Variants in TENM2 observed in about 807,000 individuals in gnomAD.
TENM2 encodes teneurin transmembrane protein 2, also known as teneurin-2.
In TENM2, 52 loss-of-function variants were observed where a neutral mutation model predicts 245.2. That is an observed-to-expected ratio of 0.21 (90% CI 0.17 to 0.27). The LOEUF (loss-of-function observed/expected upper bound fraction) is 0.27. Among genes scored for constraint, TENM2 ranks in the 10% least tolerant of loss-of-function variants. The pLI, the probability that TENM2 is intolerant of heterozygous loss-of-function variation, is 1.00. For missense variants in TENM2, 3,046 were observed against 3,666.8 expected, an observed-to-expected ratio of 0.83 and a Z score of 4.37; for synonymous variants, 1,363 against 1,438.9, an observed-to-expected ratio of 0.95 and a Z score of 1.19.
chr5:167,679,802 A>T (rs932258924), intron 2 of TENM2, among the ~76,000 whole-genome samples: 11 of 152,186 alleles, frequency 7.2e-5, no homozygotes, highest in Non-Finnish European at 1.3e-4. Context: ...ATGTAAAAAA[A>T]GGAAGGCTGA....
chr5:168,064,996 G>A (rs780629644), intron 7 of TENM2, among the ~76,000 whole-genome samples: 5 of 152,168 alleles, frequency 3.3e-5, no homozygotes, highest in African/African-American at 1.2e-4. Flanking sequence ...GGGGATAGGC[G>A]ACTGACGTCT....
chr5:167,112,343 A>T, the TENM2 span, among the ~76,000 whole-genome samples: 123 of 152,306 alleles, frequency 8.1e-4, no homozygotes, highest in Non-Finnish European at 1.5e-3. Context: ...AGATGTGCAA[A>T]TTTTCAGCTG....
At chr5:167,797,601 GAAACCCCTTC>G (rs1421356330) in intron 2 of TENM2, among the ~76,000 whole-genome samples, 1 of 152,160 alleles carries the variant, frequency 6.6e-6, no homozygotes, top group African/African-American at 2.4e-5. Flanking sequence ...TGGGTAAATA[GAAACCCCTTC>G]AACATGTAAG....
At chr5:167,914,974 C>T (rs182257072) in intron 3 of TENM2, among the ~76,000 whole-genome samples, 9 of 152,280 alleles carry the variant, frequency 5.9e-5, no homozygotes, top group East Asian at 1.9e-4. Context: ...AAAAAGGTCA[C>T]GTTGTGTGGT....
At position 167,285,008 on chromosome 5, in the gene TENM2, TG is replaced by T; in HGVS notation, c.173del (p.Gly58GlufsTer79). On this transcript the variant is annotated frameshift_variant, in exon 1 of 29. Transcript: ENST00000518659. LOFTEE classifies it high-confidence loss of function. The stretch of plus-strand genomic sequence containing the variant: ...ATGACCATGACAGCAGGATGCACTA[TG>T]GAAACCGAGTCACAGACCTCATCCA... 6.4e-7 allele frequency: 1 copy of T among 1,552,122 alleles called. No individual in the cohort carries two copies. The highest frequency in any genetic ancestry group is 8.7e-7 in the Non-Finnish European group (1 of 1,147,074).
intron 4 of TENM2, among the ~76,000 whole-genome samples, chr5:167,953,132 G>A (rs1780252791): frequency 6.6e-6 from 1 of 152,142 alleles, no homozygotes; most frequent in East Asian, 1.9e-4. Flanking sequence ...GCTTATAAGG[G>A]TATATTGACT....
At chr5:167,158,207 A>G in the TENM2 span, among the ~76,000 whole-genome samples, 86 of 152,334 alleles carry the variant, frequency 5.6e-4, no homozygotes, top group African/African-American at 2.0e-3. Context: ...AGAACACAGA[A>G]CACTGAATAA....
At chr5:168,103,611 T>C (rs1256982747) in intron 9 of TENM2, among the ~76,000 whole-genome samples, 3 of 152,240 alleles carry the variant, frequency 2.0e-5, no homozygotes, top group African/African-American at 7.2e-5. Flanking sequence ...TTATGCATTT[T>C]TAGCAAGATG....
At chr5:167,127,628 T>TAAAA in the TENM2 span, among the ~76,000 whole-genome samples, 41 of 123,096 alleles carry the variant, frequency 3.3e-4, no homozygotes, top group African/African-American at 6.0e-4. Context: ...TTTTTTTTTT[T>TAAAA]AAAAAAAAAA....
intron 2 of TENM2, among the ~76,000 whole-genome samples, chr5:167,642,155 A>T (rs28645848): frequency 0.022 from 3,306 of 150,024 alleles, 101 homozygotes; most frequent in East Asian, 0.13. Context: ...AAAAAAAAAA[A>T]ATATGTATAT....
intron 3 of TENM2, among the ~76,000 whole-genome samples, chr5:167,919,357 G>A (rs1777181595): frequency 6.6e-6 from 1 of 152,174 alleles, no homozygotes; most frequent in Admixed American, 6.5e-5. Flanking sequence ...TTTCCAGTTA[G>A]TTTATAAGAA....
At chr5:167,094,849 C>A in the TENM2 span, among the ~76,000 whole-genome samples, 1 of 152,076 alleles carries the variant, frequency 6.6e-6, no homozygotes, top group Non-Finnish European at 1.5e-5. Context: ...ATGAATTTTT[C>A]TTGAAATTTA....
the TENM2 span, among the ~76,000 whole-genome samples, chr5:167,081,834 C>T: frequency 2.6e-5 from 4 of 152,240 alleles, no homozygotes. Context: ...GACCACTCTT[C>T]TGTTGTTTTT....
At chr5:168,171,661 T>G (rs1357130944) in intron 13 of TENM2, among the ~76,000 whole-genome samples, 5 of 152,218 alleles carry the variant, frequency 3.3e-5, no homozygotes, top group African/African-American at 1.2e-4. Context: ...TTTATTAGTT[T>G]AAATGGTTAT....
chr5:167,754,825 T>G, intron 2 of TENM2: 1 of 405,782 alleles, frequency 2.5e-6, no homozygotes. Context: ...GGCATTTGGC[T>G]GGCAGCGGGG....
chr5:167,239,465 A>G, the TENM2 span, among the ~76,000 whole-genome samples: 1 of 152,168 alleles, frequency 6.6e-6, no homozygotes, highest in Non-Finnish European at 1.5e-5. Context: ...TTCCTCCAAG[A>G]CACCTAACAT....
the TENM2 span, among the ~76,000 whole-genome samples, chr5:167,021,866 C>G: frequency 6.6e-6 from 1 of 152,094 alleles, no homozygotes; most frequent in Admixed American, 6.6e-5. Flanking sequence ...CCTCAGTACT[C>G]CATCTAGAAA....
the TENM2 span, among the ~76,000 whole-genome samples, chr5:167,101,710 T>G: frequency 6.6e-6 from 1 of 151,358 alleles, no homozygotes; most frequent in African/African-American, 2.4e-5. Context: ...CCAGGCCACA[T>G]GTAGAGGCCA....
chr5:167,356,206 AAAAAAAAAAAAAAAATT>A (rs1294109734), intron 1 of TENM2, among the ~76,000 whole-genome samples: 3 of 149,760 alleles, frequency 2.0e-5, no homozygotes, highest in South Asian at 2.1e-4. Context: ...AAAAAAAAAA[AAAAAAAAAAAAAAAATT>A]AAAATTAAAA....
Sources: allele counts gnomAD v4.1 joint callset (sites outside exome capture counted in the v4.1 genomes callset), GRCh38; gene constraint gnomAD v4.1.1; transcripts MANE v1.5; gene names NCBI Gene and HGNC (gene_info 2026-07-23, HGNC 2026-07-21).